MTHFD1: variants seen among roughly 807,000 people sequenced by gnomAD.
The protein encoded by MTHFD1 is methylenetetrahydrofolate dehydrogenase, cyclohydrolase and formyltetrahydrofolate synthetase 1.
Under a neutral mutation model 110.3 loss-of-function variants are expected in MTHFD1, and 44 were observed. The observed-to-expected ratio is 0.40, with a 90% CI of 0.31 to 0.51. The LOEUF is 0.51. Ranked by LOEUF, MTHFD1 falls within the 20% of genes least tolerant of loss-of-function variation. The pLI is 0.60. For missense variants in MTHFD1, 909 were observed against 1,173.1 expected (o/e 0.77, Z 3.29); for synonymous variants, 402 against 428.8 (o/e 0.94, Z 0.77).
chr14:64,412,700 C>T (rs1279783259), intron 4 of MTHFD1, among the ~76,000 whole-genome samples, 175 bp downstream of exon 4: 3 of 140,050 alleles, frequency 2.1e-5, no homozygotes, highest in Non-Finnish European at 3.0e-5. Context: ...AGCAATGATG[C>T]GATCTCGACT....
intron 16 of MTHFD1, 27 bp from the exon 17 acceptor site, chr14:64,439,069 G>T: frequency 6.3e-7 from 1 of 1,577,020 alleles, no homozygotes; most frequent in South Asian, 1.1e-5. Flanking sequence ...ACTCAAAATC[G>T]TTCTATATCT....
intron 7 of MTHFD1, among the ~76,000 whole-genome samples, chr14:64,419,486 TAGG>T (rs1212176538): frequency 1.3e-5 from 2 of 152,220 alleles, no homozygotes; most frequent in African/African-American, 4.8e-5. Context: ...CTACATTCTG[TAGG>T]AGAAGGAGCA....
At chr14:64,413,430 G>A (rs80146833) in intron 4 of MTHFD1, among the ~76,000 whole-genome samples, 1 of 152,086 alleles carries the variant, frequency 6.6e-6, no homozygotes. Context: ...TTTTATATGA[G>A]GTTCAGGACT....
Position 64,431,877 on chromosome 14 carries a change from TCC to T in MTHFD1, c.1494+17_1494+18del. ...AAGGTTAAAGGTAAGCTTTTTTTCTTCCACATTTTTTATATTGTATGGAATCT... is the reference window on the plus strand; with the variant it reads ...AAGGTTAAAGGTAAGCTTTTTTTCTTACATTTTTTATATTGTATGGAATCT... On this transcript the variant is annotated intron_variant, in intron 15 of 27. Coordinates refer to ENST00000652337, the MANE Select transcript of MTHFD1 (RefSeq NM_005956.4). The T allele has an allele frequency of 1.2e-6, 2 of 1,609,056 alleles. No individual in the cohort carries two copies. Among genetic ancestry groups the T allele is most frequent in the Non-Finnish European group, 8.5e-7 (1 of 1,175,356 alleles).
chr14:64,444,665 C>G, intron 21 of MTHFD1, 28 bp from the exon 22 acceptor site: 1 of 1,613,800 alleles, frequency 6.2e-7, no homozygotes, highest in Non-Finnish European at 8.5e-7. Flanking sequence ...ATAGGAAATG[C>G]CTCTGACTCT....
chr14:64,393,687 TCAGGGG>T, intron 1 of MTHFD1, among the ~76,000 whole-genome samples: 1 of 152,302 alleles, frequency 6.6e-6, no homozygotes, highest in South Asian at 2.1e-4. Context: ...TCCTTGTCCA[TCAGGGG>T]AGTTGGGATC....
intron 2 of MTHFD1, among the ~76,000 whole-genome samples, chr14:64,404,807 C>T (rs2077924764): frequency 3.9e-5 from 6 of 152,180 alleles, no homozygotes; most frequent in African/African-American, 1.2e-4. Context: ...CTCATCTCTA[C>T]TCAAAATACA....
intron 1 of MTHFD1, chr14:64,390,278 A>G (rs1207645603): frequency 6.6e-6 from 1 of 152,106 alleles, no homozygotes; most frequent in Non-Finnish European, 1.5e-5. Context: ...ATTAATAATC[A>G]GTAATTAGTT....
chr14:64,403,188 T>C (rs925210894), intron 2 of MTHFD1, among the ~76,000 whole-genome samples: 8 of 151,872 alleles, frequency 5.3e-5, no homozygotes, highest in African/African-American at 1.9e-4. Context: ...AATCTTGGCT[T>C]ACTGCAGCCT....
chr14:64,449,711 C>T (rs1297481862), intron 24 of MTHFD1, 89 bp downstream of exon 24: 1 of 1,455,984 alleles, frequency 6.9e-7, no homozygotes, highest in Non-Finnish European at 9.4e-7. Context: ...GAGCCCCATG[C>T]TTCGCAGCTT....
intron 24 of MTHFD1, 147 bp from the exon 25 acceptor site, chr14:64,453,607 A>G: frequency 1.5e-6 from 1 of 671,536 alleles, no homozygotes; most frequent in Non-Finnish European, 2.8e-6. Flanking sequence ...CCCAATCATC[A>G]ACCTCAAACT....
At chr14:64,423,226 T>C (rs985223783) in intron 8 of MTHFD1, among the ~76,000 whole-genome samples, 1 of 152,158 alleles carries the variant, frequency 6.6e-6, no homozygotes, top group African/African-American at 2.4e-5. Context: ...TTTTACTCCA[T>C]ATAAAAAATA....
At chr14:64,420,437 T>C (rs1405492480) in intron 8 of MTHFD1, among the ~76,000 whole-genome samples, 2 of 152,172 alleles carry the variant, frequency 1.3e-5, no homozygotes, top group Non-Finnish European at 2.9e-5. Context: ...ATCCCCAAGT[T>C]ACCCCTTACT....
chr14:64,449,568 C>G lies in MTHFD1; in HGVS notation c.2403C>G (p.Ala801=), dbSNP rs745539820. 6.2e-7 allele frequency: 1 copy of G among 1,614,148 alleles called. No homozygotes were observed. Among genetic ancestry groups the G allele is most frequent in the Non-Finnish European group, 8.5e-7 (1 of 1,180,026 alleles). The part of the protein sequence containing the change: ...GGKGALALAQ[A]VQRAAQAPSS... ...AGGGTGCCTTAGCCCTGGCTCAGGC[C>G]GTCCAGAGAGCAGCACAAGCACCCA... is the stretch of plus-strand genomic sequence containing the variant. The change falls in exon 24 of 28, where the codon GCC becomes GCG. Residue 801 remains alanine, a synonymous_variant. Transcript: ENST00000652337.
At chr14:64,450,004 C>T (rs1011775103) in intron 24 of MTHFD1, among the ~76,000 whole-genome samples, 1 of 152,184 alleles carries the variant, frequency 6.6e-6, no homozygotes, top group African/African-American at 2.4e-5. Flanking sequence ...CTTGGCCAGG[C>T]TGGTCTCGAA....
chr14:64,444,910 A>G (rs555615129), intron 22 of MTHFD1, 176 bp downstream of exon 22: 3 of 660,314 alleles, frequency 4.5e-6, no homozygotes, highest in African/African-American at 3.6e-5. Flanking sequence ...GGGAAGATGT[A>G]CCTCACAAAA....
intron 8 of MTHFD1, among the ~76,000 whole-genome samples, chr14:64,421,624 ATT>A (rs202091130): frequency 9.2e-4 from 134 of 145,506 alleles, no homozygotes; most frequent in African/African-American, 2.7e-3. Flanking sequence ...TATTTTTTTA[ATT>A]TTTTTTTTTT....
intron 1 of MTHFD1, among the ~76,000 whole-genome samples, chr14:64,392,331 T>C (rs2077813199): frequency 6.6e-6 from 1 of 152,150 alleles, no homozygotes. Flanking sequence ...GAGAAGGATG[T>C]GCATTAGTGT....
At position 64,417,968 on chromosome 14, in the gene MTHFD1, T is replaced by C; in HGVS notation, c.559T>C (p.Trp187Arg). The change falls in exon 7 of 28, where the codon TGG becomes CGG. Residue 187 changes from tryptophan (W) to arginine (R), a missense_variant. This residue lies in a region of MTHFD1 where 424 missense variants were observed against 510.4 expected (regional missense o/e 0.83). Transcript: ENST00000652337. This position sits in a 1 kb window ranked among gnomAD's most constrained non-coding sequence, Gnocchi z 4.4. ...GGCCCCGATGCATGACTTGCTTCTGTGGAACAATGCCACAGTGACCACCTG... is the reference window on the plus strand; with the variant it reads ...GGCCCCGATGCATGACTTGCTTCTGCGGAACAATGCCACAGTGACCACCTG... ...VGAPMHDLLL[W>R]NNATVTTCHS... is the part of the protein sequence containing the mutation. 6.2e-7 allele frequency: 1 copy of C among 1,613,826 alleles called. No individual in the cohort carries two copies. Among genetic ancestry groups the C allele is most frequent in the Non-Finnish European group, 8.5e-7 (1 of 1,179,952 alleles).
Sources: allele counts gnomAD v4.1 joint callset (sites outside exome capture counted in the v4.1 genomes callset), GRCh38; gene constraint gnomAD v4.1.1; regional missense constraint gnomAD v4.1.1; non-coding constraint Gnocchi (gnomAD v3.1); transcripts MANE v1.5; gene names NCBI Gene and HGNC (gene_info 2026-07-23, HGNC 2026-07-21).